The following KLHL1 variants were observed in gnomAD, a reference collection of about 807,000 sequenced individuals.
KLHL1 encodes kelch-like protein 1.
Under a neutral mutation model 77.7 loss-of-function variants are expected in KLHL1, and 47 were observed. The ratio of observed to expected loss-of-function variants is 0.60; its 90% CI spans 0.48 to 0.77. The LOEUF is 0.77. Among genes scored for constraint, KLHL1 ranks in the 30% least tolerant of loss-of-function variants. The pLI, the probability that KLHL1 is intolerant of heterozygous loss-of-function variation, is 0.00. For synonymous variants in KLHL1, 360 were observed against 325.2 expected (o/e 1.11, Z -1.15); for missense variants, 925 against 910.8 (o/e 1.02, Z -0.20).
chr13:69,852,518 T>G (rs1991078), intron 5 of KLHL1, among the ~76,000 whole-genome samples: 108,939 of 151,848 alleles, frequency 0.72, 41,187 homozygotes, highest in East Asian at 0.99. Flanking sequence ...TATCTTTAAC[T>G]AAAACCTTTT....
At chr13:70,098,531 T>C (rs1887846270) in intron 1 of KLHL1, among the ~76,000 whole-genome samples, 1 of 151,870 alleles carries the variant, frequency 6.6e-6, no homozygotes, top group Non-Finnish European at 1.5e-5. Flanking sequence ...AATAAGTAAA[T>C]ATTGATAATA....
chr13:69,787,818 C>T (rs556674612), intron 7 of KLHL1, among the ~76,000 whole-genome samples: 1,455 of 141,188 alleles, frequency 0.01, 25 homozygotes, highest in African/African-American at 0.036. Context: ...AAGAAAAAAA[C>T]AAACAACCCC....
intron 1 of KLHL1, among the ~76,000 whole-genome samples, chr13:70,099,233 A>G (rs1887866623): frequency 6.6e-6 from 1 of 151,870 alleles, no homozygotes; most frequent in Non-Finnish European, 1.5e-5. Context: ...CGTTCTATAT[A>G]AGTAAAAATT....
chr13:69,813,776 T>C (rs994817673), intron 6 of KLHL1, among the ~76,000 whole-genome samples: 1 of 152,182 alleles, frequency 6.6e-6, no homozygotes, highest in African/African-American at 2.4e-5. Context: ...AAACATTCCA[T>C]GCTCATGGAC....
intron 1 of KLHL1, among the ~76,000 whole-genome samples, chr13:70,082,874 C>T (rs535539517): frequency 1.3e-5 from 2 of 152,094 alleles, no homozygotes; most frequent in Non-Finnish European, 2.9e-5. Flanking sequence ...AGCATAGAAA[C>T]AGAAAACAAA....
intron 5 of KLHL1, among the ~76,000 whole-genome samples, chr13:69,842,485 T>C (rs1189468494): frequency 6.6e-6 from 1 of 151,734 alleles, no homozygotes; most frequent in Non-Finnish European, 1.5e-5. Context: ...ATCAAAACCA[T>C]AATGAAATAC....
intron 5 of KLHL1, among the ~76,000 whole-genome samples, chr13:69,861,391 T>C (rs1465700225): frequency 6.6e-6 from 1 of 152,090 alleles, no homozygotes; most frequent in Non-Finnish European, 1.5e-5. Flanking sequence ...CCTCAATATG[T>C]TTATCAGTTT....
chr13:69,764,929 C>CCT (rs1875206792), intron 7 of KLHL1, among the ~76,000 whole-genome samples: 1 of 39,714 alleles, frequency 2.5e-5, no homozygotes, highest in African/African-American at 9.5e-5. Context: ...TATATCTTTG[C>CCT]TTTTTTTTTT....
chr13:69,974,794 C>A lies in KLHL1; in HGVS notation c.680+826G>T, dbSNP rs186750447. On this transcript the variant is annotated intron_variant, in intron 2 of 10. Transcript: ENST00000377844. Reference sequence around the variant, plus strand: ...TAGCTCAGGATAATTTGTGGTTTTGCCACACATATTATGACATTGAATAAT... The same window carrying A: ...TAGCTCAGGATAATTTGTGGTTTTGACACACATATTATGACATTGAATAAT... Among the ~76,000 whole-genome samples the A allele has an allele frequency of 3.3e-3, 509 of 151,990 alleles. 1 individual carries two copies. The highest frequency in any genetic ancestry group is 0.012 in the African/African-American group (484 of 41,520).
chr13:70,020,983 C>T lies in KLHL1; in HGVS notation c.498-45181G>A, dbSNP rs115037072. ...AGCCTCCCCTATTATCAACATCCCC[C>T]ACCAGAGTGATACATTCACTATAAT... is the stretch of plus-strand genomic sequence containing the variant. On this transcript the variant is annotated intron_variant, in intron 1 of 10. Coordinates refer to ENST00000377844, the MANE Select transcript of KLHL1 (RefSeq NM_020866.3). Among the ~76,000 whole-genome samples, 157 of 152,172 alleles carry T rather than the reference C, an allele frequency of 1.0e-3. 1 individual carries two copies. Among genetic ancestry groups the T allele is most frequent in the African/African-American group, 3.6e-3 (149 of 41,518 alleles).
intron 1 of KLHL1, among the ~76,000 whole-genome samples, chr13:70,001,671 A>ATCTG (rs1885294878): frequency 6.6e-6 from 1 of 150,666 alleles, no homozygotes; most frequent in African/African-American, 2.4e-5. Context: ...CTATCTATCT[A>ATCTG]TCTATCTATC....
At chr13:70,014,355 A>C (rs554880230) in intron 1 of KLHL1, among the ~76,000 whole-genome samples, 1 of 152,276 alleles carries the variant, frequency 6.6e-6, no homozygotes, top group African/African-American at 2.4e-5. Flanking sequence ...AAATGAATGT[A>C]CAACTTTGTC....
In KLHL1 at chr13:69,701,081, C is replaced by G. The variant is rs1875370256; in HGVS notation, c.*621G>C. 6.6e-6 allele frequency: 1 copy of G among 152,298 alleles called. No homozygotes were observed. Among genetic ancestry groups the G allele is most frequent in the African/African-American group, 2.4e-5 (1 of 41,410 alleles). 9.4% of individuals were successfully genotyped at this position (152,298 alleles called of 1,614,324 possible). ...TTGCAATAAAATTCAACCATTATCT[C>G]TGATGAGATATGCAGCTTTGATTAG... On this transcript the variant is annotated 3_prime_UTR_variant, in exon 11 of 11. Coordinates refer to ENST00000377844, the MANE Select transcript of KLHL1 (RefSeq NM_020866.3).
chr13:69,769,811 G>A (rs951047476), intron 7 of KLHL1, among the ~76,000 whole-genome samples: 4 of 151,926 alleles, frequency 2.6e-5, no homozygotes, highest in African/African-American at 4.8e-5. Flanking sequence ...CTCACTCTCC[G>A]GTATTCACGT....
chr13:70,041,534 C>T (rs551237515), intron 1 of KLHL1, among the ~76,000 whole-genome samples: 114 of 152,160 alleles, frequency 7.5e-4, no homozygotes, highest in African/African-American at 2.7e-3. Context: ...AGTTCAGGCT[C>T]CCTATTTTTG....
At chr13:70,073,490 T>A (rs559803476) in intron 1 of KLHL1, among the ~76,000 whole-genome samples, 1 of 152,076 alleles carries the variant, frequency 6.6e-6, no homozygotes, top group Non-Finnish European at 1.5e-5. Flanking sequence ...CACACAAACA[T>A]GTCACATGTG....
At chr13:69,966,217 C>T (rs144337940) in intron 2 of KLHL1, among the ~76,000 whole-genome samples, 2,747 of 152,202 alleles carry the variant, frequency 0.018, 36 homozygotes, top group Middle Eastern at 0.055. Context: ...CAATGACTGG[C>T]TTCTAAGCTT....
At chr13:69,990,029 T>G (rs1164748828) in intron 1 of KLHL1, among the ~76,000 whole-genome samples, 2 of 151,968 alleles carry the variant, frequency 1.3e-5, no homozygotes, top group East Asian at 3.9e-4. Flanking sequence ...TATTCAACAT[T>G]CTTAAAGAAA....
intron 5 of KLHL1, among the ~76,000 whole-genome samples, chr13:69,878,449 T>C (rs926036486): frequency 6.6e-6 from 1 of 152,090 alleles, no homozygotes; most frequent in Non-Finnish European, 1.5e-5. Context: ...ACACAAAAAT[T>C]AATCAAGTCT....
Sources: gnomAD v4.1 joint callset for allele counts (sites outside exome capture counted in the v4.1 genomes callset) on GRCh38, gnomAD v4.1.1 for gene constraint, MANE v1.5 for transcripts, NCBI Gene and HGNC (gene_info 2026-07-23, HGNC 2026-07-21) for gene names.